Variants in PROSER1 observed in about 807,000 individuals in gnomAD.
The protein encoded by PROSER1 is proline and serine rich 1.
In PROSER1, 36 loss-of-function variants were observed where a neutral mutation model predicts 71.8. The observed-to-expected ratio is 0.50, with a 90% CI of 0.38 to 0.66. PROSER1 has a LOEUF of 0.66. PROSER1 is among the 30% of genes least tolerant of loss of function. The pLI, the probability that PROSER1 is intolerant of heterozygous loss-of-function variation, is 0.00. For synonymous variants in PROSER1, 490 were observed against 452.4 expected, an observed-to-expected ratio of 1.08 and a Z score of -1.06; for missense variants, 1,107 against 1,135.0, an observed-to-expected ratio of 0.98 and a Z score of 0.35.
chr13:39,029,671 T>G (rs1870739414), intron 3 of PROSER1, among the ~76,000 whole-genome samples: 1 of 152,122 alleles, frequency 6.6e-6, no homozygotes, highest in Non-Finnish European at 1.5e-5. Context: ...AGTATTACTT[T>G]CCTCAGAAAG....
At chr13:39,025,149 T>C (rs1280285914) in intron 6 of PROSER1, among the ~76,000 whole-genome samples, 2 of 152,176 alleles carry the variant, frequency 1.3e-5, no homozygotes, top group African/African-American at 4.8e-5. Context: ...GTACCTATGT[T>C]ACAGTTGAAA....
At chr13:39,016,576 C>A (rs533709183) in intron 10 of PROSER1, among the ~76,000 whole-genome samples, 32 of 152,260 alleles carry the variant, frequency 2.1e-4, no homozygotes, top group Admixed American at 7.8e-4. Flanking sequence ...AACAACTAAC[C>A]TGATTACTCC....
chr13:39,019,267 C>T (rs1870166760), intron 9 of PROSER1, among the ~76,000 whole-genome samples: 1 of 150,136 alleles, frequency 6.7e-6, no homozygotes, highest in South Asian at 2.1e-4. Context: ...TTTGGGAGGC[C>T]GAGGTAGGCA....
At chr13:39,016,061 A>G (rs1033043749) in intron 10 of PROSER1, among the ~76,000 whole-genome samples, 9 of 152,218 alleles carry the variant, frequency 5.9e-5, no homozygotes, top group African/African-American at 2.2e-4. Context: ...GCTATCCTAG[A>G]GTATTATTTA....
At chr13:39,031,912 T>G (rs561580633) in intron 2 of PROSER1, among the ~76,000 whole-genome samples, 4 of 152,266 alleles carry the variant, frequency 2.6e-5, no homozygotes, top group South Asian at 2.1e-4. Context: ...TAATGCACAC[T>G]GCAGATAGAG....
intron 6 of PROSER1, among the ~76,000 whole-genome samples, chr13:39,024,939 A>G (rs1173005589): frequency 1.3e-5 from 2 of 152,206 alleles, no homozygotes; most frequent in Admixed American, 6.5e-5. Flanking sequence ...ATCCACCCAT[A>G]TACTTTAAAT....
chr13:39,019,303 A>G lies in PROSER1; in HGVS notation c.731-1759T>C, dbSNP rs975547519. Among the ~76,000 whole-genome samples, 6 of 150,824 alleles carry G rather than the reference A, an allele frequency of 4.0e-5. No homozygotes were observed. The South Asian group carries it at 6.3e-4, about 16-fold the overall frequency. ...GATCGCCTGAGGTCAGGAGTTCGAG[A>G]CCAGCCTGACTAATGTGGAGAAACC... On this transcript the variant is annotated intron_variant, in intron 9 of 12. Transcript: ENST00000352251.
chr13:39,033,298 C>G (rs957374668), intron 2 of PROSER1, among the ~76,000 whole-genome samples: 3 of 152,344 alleles, frequency 2.0e-5, no homozygotes, highest in African/African-American at 7.2e-5. Flanking sequence ...ATAAAGACAA[C>G]AAATGCAAAT....
rs537620904 is a variant in PROSER1, at chr13:39,034,336, G to GGTCA, written c.46-144_46-141dup. The stretch of plus-strand genomic sequence containing the variant: ...CAGCCCTGTCATTCAGAGGAACTAA[G>GGTCA]GTCACTGTGGTGAGAGGCCCTTCCT... On this transcript the variant is annotated intron_variant, in intron 1 of 12. Transcript: ENST00000352251. 9.3e-4 allele frequency: 502 copies of GGTCA among 540,500 alleles called. 2 individuals are homozygous for GGTCA. The highest frequency in any genetic ancestry group is 1.4e-3 in the Middle Eastern group (5 of 3,590). 33.5% of individuals were successfully genotyped at this position (540,500 alleles called of 1,614,324 possible). A position where few individuals can be genotyped will look rare whatever the true frequency, so the allele number is the denominator to read the frequency against.
In PROSER1 at chr13:39,013,865, CA is replaced by C; in HGVS notation, c.1386del (p.Gly463ValfsTer2). Reference protein sequence around the residue: ...GGSTPSVAGPLGVNSPLLSAL... With the variant: ...GGSTPSVAGPXGVNSPLLSAL... The stretch of plus-strand genomic sequence containing the variant: ...GCAGACAAAAGAGGACTGTTCACAC[CA>C]AGTGGACCGGCAACGCTGGGAGTAG... On this transcript the variant is annotated frameshift_variant, in exon 11 of 13. Coordinates refer to ENST00000352251, the MANE Select transcript of PROSER1 (RefSeq NM_025138.5). LOFTEE classifies it high-confidence loss of function. 6.2e-7 allele frequency: 1 copy of C among 1,614,130 alleles called. No homozygotes were observed. The highest frequency in any genetic ancestry group is 1.1e-5 in the South Asian group (1 of 91,082).
At position 39,014,241 on chromosome 13, in the gene PROSER1, G is replaced by C. The variant is rs755744383; in HGVS notation, c.1011C>G (p.Ile337Met). 2.0e-5 allele frequency: 33 copies of C among 1,614,042 alleles called. 1 individual carries two copies. The South Asian group carries it at 3.4e-4, about 17-fold the overall frequency. ...PQPSIPNPTVIRTPSLPTAPV... is the reference protein window; with the variant it reads ...PQPSIPNPTVMRTPSLPTAPV... ...GTGCAGTGGGCAATGAAGGGGTTCT[G>C]ATAACTGTTGGGTTTGGTATTGATG... The change falls in exon 11 of 13, where the codon ATC becomes ATG. Residue 337 changes from isoleucine to methionine, a missense_variant. Ile to Met is a conservative substitution (Grantham distance 10). Coordinates refer to ENST00000352251, the MANE Select transcript of PROSER1 (RefSeq NM_025138.5).
At position 39,037,406 on chromosome 13, in the gene PROSER1, A is replaced by C; in HGVS notation, c.-164T>G. The C allele has an allele frequency of 1.7e-6, 1 of 581,502 alleles. No individual in the cohort carries two copies. Among genetic ancestry groups the C allele is most frequent in the Non-Finnish European group, 3.1e-6 (1 of 324,744 alleles). The allele number at this position is 581,502 out of a possible 1,614,324, so 36.0% of individuals were successfully genotyped here. On this transcript the variant is annotated 5_prime_UTR_variant, in exon 1 of 13. Coordinates refer to ENST00000352251, the MANE Select transcript of PROSER1 (RefSeq NM_025138.5). ...AGGTAGAGAGTATTGCAAACTTCGC[A>C]AAAAAAATTTCTAAAAATTGAGATT...
Position 39,013,475 on chromosome 13 carries a change from G to A in PROSER1, c.1777C>T (p.His593Tyr). The A allele has an allele frequency of 6.2e-7, 1 of 1,614,084 alleles. No homozygotes were observed. Among genetic ancestry groups the A allele is most frequent in the Non-Finnish European group, 8.5e-7 (1 of 1,180,012 alleles). ...GTTGCAGCAGGGGTAGATGAAATAT[G>A]CAGATCTGAGGTACCTGGGTGGGGG... ...RGPHPGTSDL[H>Y]ISSTPAATTL... Residue 593 changes from histidine (H) to tyrosine (Y), a missense_variant, in exon 11 of 13, where the codon CAT becomes TAT. Transcript: ENST00000352251.
At chr13:39,020,367 TAC>T (rs147228249) in intron 9 of PROSER1, among the ~76,000 whole-genome samples, 7 of 150,512 alleles carry the variant, frequency 4.7e-5, no homozygotes, top group Middle Eastern at 3.4e-3. Flanking sequence ...TCTCTCTCTG[TAC>T]ACACACACAC....
intron 3 of PROSER1, among the ~76,000 whole-genome samples, chr13:39,030,481 A>G (rs1170678502): frequency 1.3e-5 from 2 of 152,186 alleles, no homozygotes; most frequent in African/African-American, 2.4e-5. Context: ...GAGCTCTGTC[A>G]TGAGTTTGTT....
intron 6 of PROSER1, among the ~76,000 whole-genome samples, chr13:39,025,316 TAAATGGTATA>T (rs1870496121): frequency 2.6e-5 from 4 of 152,180 alleles, no homozygotes; most frequent in Non-Finnish European, 5.9e-5. Context: ...TGTGTGTGGC[TAAATGGTATA>T]TACTAGTGTG....
intron 1 of PROSER1, among the ~76,000 whole-genome samples, chr13:39,036,435 A>G (rs181679337): frequency 6.6e-6 from 1 of 152,286 alleles, no homozygotes; most frequent in East Asian, 1.9e-4. Context: ...ACGAAAGAAT[A>G]ATTGCCCGGA....
intron 9 of PROSER1, among the ~76,000 whole-genome samples, chr13:39,020,756 C>T (rs943565966): frequency 2.6e-5 from 4 of 152,178 alleles, no homozygotes; most frequent in Non-Finnish European, 5.9e-5. Context: ...CAGGTTTAAA[C>T]TGGTATAGGG....
In PROSER1 at chr13:39,014,356, G is replaced by A. The variant is rs1403580727; in HGVS notation, c.896C>T (p.Ala299Val). The stretch of plus-strand genomic sequence containing the variant: ...GTTCATTCCAGAAACGGTGGCAGCT[G>A]CTGATGCTGATGGATGATTAATTGC... Reference protein sequence around the residue: ...VKAINHPSASAAATVSGMNLL... With the variant: ...VKAINHPSASVAATVSGMNLL... The change falls in exon 11 of 13, where the codon GCA becomes GTA. Residue 299 changes from alanine (A) to valine (V), a missense_variant. By Grantham distance (64) the Ala-to-Val change is moderately conservative. Coordinates refer to ENST00000352251, the MANE Select transcript of PROSER1 (RefSeq NM_025138.5). 2 of 1,614,048 alleles carry A rather than the reference G, an allele frequency of 1.2e-6. No homozygotes were observed. The highest frequency in any genetic ancestry group is 1.7e-5 in the Admixed American group (1 of 60,012).
Sources: gnomAD v4.1 joint callset for allele counts (sites outside exome capture counted in the v4.1 genomes callset) on GRCh38, gnomAD v4.1.1 for gene constraint, MANE v1.5 for transcripts, NCBI Gene and HGNC (gene_info 2026-07-23, HGNC 2026-07-21) for gene names.